WDR72: variants seen among roughly 807,000 people sequenced by gnomAD.
The protein encoded by WDR72 is WD repeat-containing protein 72.
WDR72 carries 120 observed loss-of-function variants against 124.2 expected under a neutral mutation model. That is an observed-to-expected ratio of 0.97 (90% CI 0.83 to 1.12). The LOEUF (loss-of-function observed/expected upper bound fraction) is 1.12. WDR72 is among the 50% of genes most tolerant of loss of function. The pLI is 0.00. For missense variants in WDR72, 1,387 were observed against 1,278.8 expected, an observed-to-expected ratio of 1.08 and a Z score of -1.29; for synonymous variants, 452 against 441.7, an observed-to-expected ratio of 1.02 and a Z score of -0.29.
intron 13 of WDR72, among the ~76,000 whole-genome samples, chr15:53,667,873 T>A (rs894923012): frequency 3.3e-5 from 5 of 152,324 alleles, no homozygotes; most frequent in Admixed American, 1.3e-4. Flanking sequence ...AATACAACAT[T>A]TCTTGTATTT....
chr15:53,713,026 G>A, intron 6 of WDR72, 135 bp from the exon 7 acceptor site: 1 of 973,332 alleles, frequency 1.0e-6, no homozygotes, highest in South Asian at 1.6e-5. Flanking sequence ...CCTTTTGAGT[G>A]TTTTGAACTA....
chr15:53,734,418 C>T (rs1252563243), intron 1 of WDR72, among the ~76,000 whole-genome samples: 1 of 152,174 alleles, frequency 6.6e-6, no homozygotes, highest in Non-Finnish European at 1.5e-5. Flanking sequence ...AATCATACTA[C>T]AAAGCTACCC....
chr15:53,731,497 C>T (rs1278144093), intron 2 of WDR72, among the ~76,000 whole-genome samples: 1 of 151,812 alleles, frequency 6.6e-6, no homozygotes, highest in Non-Finnish European at 1.5e-5. Context: ...TCTGGCTCCA[C>T]CCACTACATG....
intron 8 of WDR72, 137 bp from the exon 9 acceptor site, chr15:53,711,090 T>C: frequency 1.1e-6 from 1 of 911,672 alleles, no homozygotes; most frequent in Non-Finnish European, 1.7e-6. Context: ...GGTTAATAAT[T>C]ACAAGTGACT....
chr15:53,674,911 G>A (rs747294990), intron 13 of WDR72, among the ~76,000 whole-genome samples: 46 of 151,848 alleles, frequency 3.0e-4, no homozygotes, highest in Non-Finnish European at 5.4e-4. Context: ...CCAGAAAAAC[G>A]GAATAAAGAG....
intron 11 of WDR72, among the ~76,000 whole-genome samples, chr15:53,703,354 G>C (rs1187149914): frequency 7.2e-5 from 11 of 152,072 alleles, no homozygotes; most frequent in Admixed American, 7.2e-4. Flanking sequence ...GGCTCAGAGA[G>C]GTTAAGTGAC....
chr15:53,714,562 A>G, intron 5 of WDR72, 52 bp from the exon 6 acceptor site: 1 of 1,416,384 alleles, frequency 7.1e-7, no homozygotes, highest in South Asian at 1.2e-5. Flanking sequence ...ATAATTGGGT[A>G]GGTAAAAATC....
Position 53,732,997 on chromosome 15 carries a change from C to A in WDR72, c.153G>T (p.Lys51Asn), listed in dbSNP as rs2018245646. ...TTCAATATCAGTAGCTTTCACTAAC[C>A]TTTAGTTCATGTGAGAGATTCCAGA... The part of the protein sequence containing the change: ...LCLWNLSHEL[K>N]ISAKELLFGH... The change falls in exon 2 of 20, where the codon AAG becomes AAT. Residue 51 changes from lysine (K) to asparagine (N), a missense_variant and splice_region_variant. By Grantham distance (94) the Lys-to-Asn change is moderately conservative (BLOSUM62 0). Coordinates refer to ENST00000360509, the MANE Select transcript of WDR72 (RefSeq NM_182758.4). 1.2e-6 allele frequency: 2 copies of A among 1,613,814 alleles called. No homozygotes were observed. The highest frequency in any genetic ancestry group is 1.3e-5 in the African/African-American group (1 of 74,874).
intron 18 of WDR72, among the ~76,000 whole-genome samples, chr15:53,536,124 T>C (rs74017421): frequency 0.045 from 6,825 of 152,182 alleles, 429 homozygotes; most frequent in African/African-American, 0.14. Flanking sequence ...TCAGAGCAGC[T>C]GAGCATTAAG....
chr15:53,579,228 G>A (rs1355964365), intron 18 of WDR72, among the ~76,000 whole-genome samples: 1 of 152,110 alleles, frequency 6.6e-6, no homozygotes, highest in Non-Finnish European at 1.5e-5. Flanking sequence ...TTTAAGTAGA[G>A]AGTTAACACA....
intron 18 of WDR72, among the ~76,000 whole-genome samples, chr15:53,573,638 C>A (rs192967393): frequency 6.6e-6 from 1 of 152,070 alleles, no homozygotes; most frequent in Non-Finnish European, 1.5e-5. Context: ...CTCCACCTCC[C>A]GTGTTCAAGC....
At chr15:53,525,704 C>T (rs904175844) in intron 18 of WDR72, among the ~76,000 whole-genome samples, 4 of 151,976 alleles carry the variant, frequency 2.6e-5, no homozygotes, top group Non-Finnish European at 5.9e-5. Flanking sequence ...CTAGTAGGTA[C>T]CATGCTACAA....
At chr15:53,576,062 C>G (rs556225828) in intron 18 of WDR72, among the ~76,000 whole-genome samples, 5 of 152,170 alleles carry the variant, frequency 3.3e-5, no homozygotes, top group Non-Finnish European at 7.4e-5. Flanking sequence ...CATACAAAAC[C>G]ATTCACAAAC....
At chr15:53,651,056 G>T (rs77475411) in intron 14 of WDR72, among the ~76,000 whole-genome samples, 1,972 of 151,854 alleles carry the variant, frequency 0.013, 33 homozygotes, top group East Asian at 0.071. Flanking sequence ...TATTCTGTCC[G>T]TCCCTCACTT....
Position 53,655,639 on chromosome 15 carries a change from C to T in WDR72, c.1962+9933G>A, listed in dbSNP as rs543263374. On this transcript the variant is annotated intron_variant, in intron 14 of 19. Coordinates refer to ENST00000360509, the MANE Select transcript of WDR72 (RefSeq NM_182758.4). The stretch of plus-strand genomic sequence containing the variant: ...ATGGAGAAGGCCACGTTTTATATAA[C>T]GACAAGAGACCTCTAGTGGGAGCTC... Among the ~76,000 whole-genome samples the T allele has an allele frequency of 1.4e-4, 21 of 151,944 alleles. No homozygotes were observed. In the South Asian group the frequency reaches 1.5e-3, roughly 11 times the overall value.
chr15:53,516,528 T>A lies in WDR72; in HGVS notation c.*1171A>T, dbSNP rs1405370034. 6.6e-6 allele frequency: 1 copy of A among 151,750 alleles called. No individual in the cohort carries two copies. The highest frequency in any genetic ancestry group is 1.5e-5 in the Non-Finnish European group (1 of 67,884). 9.4% of individuals were successfully genotyped at this position (151,750 alleles called of 1,614,324 possible). A position where few individuals can be genotyped will look rare whatever the true frequency, so the allele number is the denominator to read the frequency against. On this transcript the variant is annotated 3_prime_UTR_variant, in exon 20 of 20. Transcript: ENST00000360509. ...CATATATTTAATGCTTTATATCCCT[T>A]TTTCAATTATATAGTTCTCTTTTCT...
intron 14 of WDR72, among the ~76,000 whole-genome samples, chr15:53,627,944 A>T (rs2014276215): frequency 6.6e-6 from 1 of 152,152 alleles, no homozygotes; most frequent in South Asian, 2.1e-4. Context: ...AACTCATCAG[A>T]TTAATCTATG....
chr15:53,618,895 T>A (rs1442265498), intron 14 of WDR72, among the ~76,000 whole-genome samples: 1 of 152,076 alleles, frequency 6.6e-6, no homozygotes, highest in African/African-American at 2.4e-5. Context: ...AAAGGCTGTA[T>A]CCCCTTACAC....
chr15:53,598,347 A>G (rs1423138164), intron 17 of WDR72, among the ~76,000 whole-genome samples: 1 of 152,086 alleles, frequency 6.6e-6, no homozygotes, highest in Non-Finnish European at 1.5e-5. Context: ...CATGTTCCAC[A>G]ATTCACCACT....
Sources: gnomAD v4.1 joint callset for allele counts (sites outside exome capture counted in the v4.1 genomes callset) on GRCh38, gnomAD v4.1.1 for gene constraint, MANE v1.5 for transcripts, NCBI Gene and HGNC (gene_info 2026-07-23, HGNC 2026-07-21) for gene names.